The following SOX5 variants were observed in gnomAD, a reference collection of about 807,000 sequenced individuals.
The protein encoded by SOX5 is SRY-box transcription factor 5.
SOX5 carries 9 observed loss-of-function variants against 92.0 expected under a neutral mutation model. The ratio of observed to expected loss-of-function variants is 0.10; its 90% CI spans 0.06 to 0.17. The LOEUF (loss-of-function observed/expected upper bound fraction) is 0.17. Ranked by LOEUF, SOX5 falls within the 10% of genes least tolerant of loss-of-function variation. SOX5 has a pLI of 1.00. For synonymous variants in SOX5, 344 were observed against 336.3 expected (o/e 1.02, Z -0.25); for missense variants, 642 against 944.5 (o/e 0.68, Z 4.20).
intron 4 of SOX5, among the ~76,000 whole-genome samples, chr12:24,125,305 CCA>C (rs1949007748): frequency 6.6e-6 from 1 of 152,160 alleles, no homozygotes; most frequent in Non-Finnish European, 1.5e-5. Flanking sequence ...CTCCTCACCA[CCA>C]GTTTTCTTTC....
At chr12:23,620,130 G>GA (rs1412729839) in intron 8 of SOX5, among the ~76,000 whole-genome samples, 4 of 152,062 alleles carry the variant, frequency 2.6e-5, no homozygotes, top group Non-Finnish European at 5.9e-5. Flanking sequence ...AGGTCAGAAG[G>GA]ATGAGCTGAT....
intron 4 of SOX5, among the ~76,000 whole-genome samples, chr12:23,991,042 C>A (rs997768454): frequency 2.2e-5 from 3 of 139,306 alleles, no homozygotes; most frequent in African/African-American, 5.1e-5. Flanking sequence ...CTTCGTAATA[C>A]TGAAAAAAAA....
intron 7 of SOX5, among the ~76,000 whole-genome samples, chr12:23,662,547 A>T (rs1382633964): frequency 1.3e-5 from 2 of 152,210 alleles, no homozygotes; most frequent in African/African-American, 4.8e-5. Flanking sequence ...CAGCAACCAC[A>T]TTTTGTGGGT....
At chr12:24,424,176 G>C (rs372757944) in intron 1 of SOX5, among the ~76,000 whole-genome samples, 1 of 152,250 alleles carries the variant, frequency 6.6e-6, no homozygotes. Flanking sequence ...TCTTCAGTCT[G>C]AGAATTGACG....
At position 24,444,153 on chromosome 12, in the gene SOX5, G is replaced by T. The variant is rs1257443874; in HGVS notation, c.-250-75514C>A. ...AGCATTCTATTTCAAAGGGAGGGACGGGGATCTGTGAAACTTAATTGTTTG... is the reference window on the plus strand; with the variant it reads ...AGCATTCTATTTCAAAGGGAGGGACTGGGATCTGTGAAACTTAATTGTTTG... On this transcript the variant is annotated intron_variant, in intron 1 of 4. Coordinates refer to the SOX5 transcript ENST00000446891. 3.9e-5 allele frequency among the ~76,000 whole-genome samples: 6 copies of T among 152,170 alleles called. No individual in the cohort carries two copies. In the South Asian group the frequency reaches 8.3e-4, roughly 21 times the overall value.
intron 4 of SOX5, among the ~76,000 whole-genome samples, chr12:24,088,006 G>T (rs1309716665): frequency 6.6e-6 from 1 of 151,982 alleles, no homozygotes; most frequent in East Asian, 1.9e-4. Flanking sequence ...CGATATCTCA[G>T]AAATGGGCCA....
intron 2 of SOX5, among the ~76,000 whole-genome samples, chr12:24,307,325 T>C (rs1438074175): frequency 6.6e-6 from 1 of 152,206 alleles, no homozygotes; most frequent in Non-Finnish European, 1.5e-5. Context: ...CTGTCTTTTT[T>C]CATTTACATA....
At chr12:24,046,829 A>G (rs60522600) in intron 4 of SOX5, among the ~76,000 whole-genome samples, 58,384 of 149,632 alleles carry the variant, frequency 0.39, 11,711 homozygotes, top group Middle Eastern at 0.47. Context: ...ACAGTCGCCC[A>G]CCACCATGCC....
At chr12:23,648,994 A>G (rs2081221405) in intron 7 of SOX5, among the ~76,000 whole-genome samples, 1 of 152,158 alleles carries the variant, frequency 6.6e-6, no homozygotes, top group Non-Finnish European at 1.5e-5. Context: ...AATGATATTC[A>G]CCCAACACAT....
intron 7 of SOX5, among the ~76,000 whole-genome samples, chr12:23,661,492 T>G (rs908056877): frequency 1.3e-5 from 2 of 152,168 alleles, no homozygotes; most frequent in Non-Finnish European, 2.9e-5. Context: ...AAGTATAAAA[T>G]TTTAGGCTGA....
rs1185176231 is a variant in SOX5, at chr12:24,366,959, T to C, written c.-174+1604A>G. On this transcript the variant is annotated intron_variant, in intron 2 of 4. Transcript: ENST00000446891. Reference sequence around the variant, plus strand: ...GAAAAGAAAAAAAAAGGAAGAAAAATAGGCTTTAAAAACTGACAGTTCAAA... The same window carrying C: ...GAAAAGAAAAAAAAAGGAAGAAAAACAGGCTTTAAAAACTGACAGTTCAAA... Among the ~76,000 whole-genome samples the C allele has an allele frequency of 7.2e-5, 11 of 152,042 alleles. No homozygotes were observed. In the East Asian group the frequency reaches 2.1e-3, roughly 29 times the overall value.
At chr12:24,177,455 GA>G (rs772259317) in intron 4 of SOX5, among the ~76,000 whole-genome samples, 18 of 152,148 alleles carry the variant, frequency 1.2e-4, no homozygotes, top group Non-Finnish European at 2.4e-4. Flanking sequence ...TGTCTAAACA[GA>G]AAATCATAGG....
chr12:24,504,968 G>A (rs995250834), intron 1 of SOX5, among the ~76,000 whole-genome samples: 1 of 152,090 alleles, frequency 6.6e-6, no homozygotes, highest in African/African-American at 2.4e-5. Context: ...CTCAATCCTG[G>A]GGTTTGCAAT....
intron 4 of SOX5, among the ~76,000 whole-genome samples, chr12:24,082,249 T>C (rs1943428145): frequency 6.6e-6 from 1 of 151,676 alleles, no homozygotes; most frequent in African/African-American, 2.4e-5. Context: ...TTTAGTGTTA[T>C]CAGTATTATA....
intron 2 of SOX5, among the ~76,000 whole-genome samples, chr12:24,365,115 A>G (rs1956033480): frequency 6.6e-6 from 1 of 152,160 alleles, no homozygotes; most frequent in Non-Finnish European, 1.5e-5. Flanking sequence ...CATGACGAAC[A>G]GTGCTAAATT....
intron 1 of SOX5, among the ~76,000 whole-genome samples, chr12:24,499,054 C>G (rs570445711): frequency 1.3e-5 from 2 of 152,356 alleles, no homozygotes; most frequent in East Asian, 3.9e-4. Context: ...TGGGCTCATG[C>G]TCTCCCTGCA....
intron 4 of SOX5, among the ~76,000 whole-genome samples, chr12:24,146,036 T>A (rs1951044776): frequency 6.6e-6 from 1 of 152,116 alleles, no homozygotes; most frequent in South Asian, 2.1e-4. Flanking sequence ...AAATCCACAA[T>A]TATAGTCACA....
chr12:23,609,010 G>C (rs1243313019), intron 8 of SOX5, among the ~76,000 whole-genome samples: 1 of 152,156 alleles, frequency 6.6e-6, no homozygotes, highest in African/African-American at 2.4e-5. Flanking sequence ...GGTGTTAAGA[G>C]AGAAGAAATG....
chr12:24,392,982 A>G (rs1959151802), intron 1 of SOX5, among the ~76,000 whole-genome samples: 1 of 152,196 alleles, frequency 6.6e-6, no homozygotes, highest in Non-Finnish European at 1.5e-5. Context: ...ATCAATCAAT[A>G]GACCAACAGT....
Sources: gnomAD v4.1 joint callset for allele counts (sites outside exome capture counted in the v4.1 genomes callset) on GRCh38, gnomAD v4.1.1 for gene constraint, MANE v1.5 for transcripts, NCBI Gene and HGNC (gene_info 2026-07-23, HGNC 2026-07-21) for gene names.